The following CELSR1 variants were observed in gnomAD, a reference collection of about 807,000 sequenced individuals.
CELSR1 encodes the protein adhesion G protein-coupled receptor C1.
In CELSR1, 110 loss-of-function variants were observed where a neutral mutation model predicts 249.1. The ratio of observed to expected loss-of-function variants is 0.44; its 90% CI spans 0.38 to 0.52. The LOEUF (loss-of-function observed/expected upper bound fraction) is 0.52, where lower values mean the gene tolerates loss of function less well. Ranked by LOEUF, CELSR1 falls within the 20% of genes least tolerant of loss-of-function variation. CELSR1 has a pLI of 0.00. For synonymous variants in CELSR1, 2,113 were observed against 1,900.0 expected (o/e 1.11, Z -2.92); for missense variants, 4,109 against 4,296.4 (o/e 0.96, Z 1.22).
chr22:46,383,164 G>A (rs2078997979), intron 20 of CELSR1, among the ~76,000 whole-genome samples: 1 of 152,210 alleles, frequency 6.6e-6, no homozygotes, highest in South Asian at 2.1e-4. Context: ...GCAATGGAGA[G>A]TCAGGGACCT....
At chr22:46,513,976 G>A (rs142098033) in intron 1 of CELSR1, among the ~76,000 whole-genome samples, 3,523 of 151,948 alleles carry the variant, frequency 0.023, 122 homozygotes, top group African/African-American at 0.082. Flanking sequence ...TGTATTCTTA[G>A]TAGAGACGGG....
chr22:46,481,105 CAT>C (rs1422957668), intron 1 of CELSR1, among the ~76,000 whole-genome samples: 1 of 152,062 alleles, frequency 6.6e-6, no homozygotes, highest in African/African-American at 2.4e-5. Flanking sequence ...CATGGTGGTG[CAT>C]GCCTGTAGTC....
intron 1 of CELSR1, among the ~76,000 whole-genome samples, chr22:46,481,103 T>C (rs1966168): frequency 6.6e-6 from 1 of 152,016 alleles, no homozygotes. Flanking sequence ...GGCATGGTGG[T>C]GCATGCCTGT....
intron 9 of CELSR1, among the ~76,000 whole-genome samples, chr22:46,400,894 G>A (rs2079203949): frequency 6.6e-6 from 1 of 151,998 alleles, no homozygotes; most frequent in Non-Finnish European, 1.5e-5. Context: ...AGAGGTTGCA[G>A]TGAGCCTAGG....
At position 46,362,861 on chromosome 22, in the gene CELSR1, C is replaced by A; in HGVS notation, c.*362G>T. ...CGGTCTTTGGTCTGTGCCCGGCGTT[C>A]CTGAACTCTGGCCAGCCTCTGGGCC... On this transcript the variant is annotated 3_prime_UTR_variant, in exon 35 of 35. Transcript: ENST00000674500. 2.4e-6 allele frequency: 1 copy of A among 417,332 alleles called. No homozygotes were observed. Among genetic ancestry groups the A allele is most frequent in the South Asian group, 4.6e-5 (1 of 21,692 alleles). The allele number at this position is 417,332 out of a possible 1,614,324, so 25.9% of individuals were successfully genotyped here. A position where few individuals can be genotyped will look rare whatever the true frequency, so the allele number is the denominator to read the frequency against.
At chr22:46,508,406 G>A (rs1008493692) in intron 1 of CELSR1, among the ~76,000 whole-genome samples, 1 of 150,974 alleles carries the variant, frequency 6.6e-6, no homozygotes, top group African/African-American at 2.4e-5. Flanking sequence ...ACCGTCCCCT[G>A]CGTGGTGGTC....
chr22:46,532,464 G>A (rs1380002954), intron 1 of CELSR1, among the ~76,000 whole-genome samples: 3 of 152,336 alleles, frequency 2.0e-5, no homozygotes, highest in African/African-American at 7.2e-5. Context: ...ACTGTAACTG[G>A]AAGCTGTTAG....
rs1467545807 is a variant in CELSR1 at position 46,405,630 on chromosome 22, CTCAG to C, written c.5226+3362_5226+3365del. Among the ~76,000 whole-genome samples the C allele has an allele frequency of 5.3e-5, 8 of 152,242 alleles. No homozygotes were observed. The East Asian group carries it at 7.7e-4, about 15-fold the overall frequency. On this transcript the variant is annotated intron_variant, in intron 9 of 34. Coordinates refer to ENST00000674500, the MANE Select transcript of CELSR1 (RefSeq NM_001378328.1). ...GGTAACTGAGAGTGTGTCCCCAGCTCTCAGTCAGAGAGGCATTCAGCAATCTCAA... is the reference window on the plus strand; with the variant it reads ...GGTAACTGAGAGTGTGTCCCCAGCTCTCAGAGAGGCATTCAGCAATCTCAA...
rs2079113868 is a variant in CELSR1 at position 46,393,334 on chromosome 22, T to C, written c.5964+808A>G. Among the ~76,000 whole-genome samples, 1 of 152,226 alleles carries C rather than the reference T, an allele frequency of 6.6e-6. No homozygotes were observed. Among genetic ancestry groups the C allele is most frequent in the Non-Finnish European group, 1.5e-5 (1 of 68,044 alleles). On this transcript the variant is annotated intron_variant, in intron 14 of 34. Coordinates refer to ENST00000674500, the MANE Select transcript of CELSR1 (RefSeq NM_001378328.1). The surrounding 1 kb of genome is among the most constrained non-coding windows in gnomAD (Gnocchi z 4.1). The stretch of plus-strand genomic sequence containing the variant: ...CTGGAGACACGAGATGTGAGCTCCG[T>C]GCTGCATGCAGGTTAGGACTGACCG...
Position 46,390,435 on chromosome 22 carries a change from A to G in CELSR1, c.6302T>C (p.Leu2101Pro), listed in dbSNP as rs1341175988. 6.2e-7 allele frequency: 1 copy of G among 1,613,856 alleles called. No homozygotes were observed. The highest frequency in any genetic ancestry group is 1.3e-5 in the African/African-American group (1 of 74,926). Reference sequence around the variant, plus strand: ...GAAGGAGATGGTGGTACAGTTAAAGAGCTCTGGGGGCAGCCAGCCCTTCTC... The same window carrying G: ...GAAGGAGATGGTGGTACAGTTAAAGGGCTCTGGGGGCAGCCAGCCCTTCTC... ...SGEKGWLPPE[L>P]FNCTTISFVD... The change falls in exon 17 of 35, where the codon CTC (leucine) becomes CCC (proline). Residue 2101 changes from leucine (L) to proline (P), a missense_variant. Transcript: ENST00000674500. The surrounding 1 kb of genome is among the most constrained non-coding windows in gnomAD (Gnocchi z 6.3).
intron 5 of CELSR1, among the ~76,000 whole-genome samples, chr22:46,415,785 GCAGT>G (rs1384202776): frequency 1.3e-5 from 2 of 152,170 alleles, no homozygotes; most frequent in African/African-American, 4.8e-5. Flanking sequence ...GTGATAAAAC[GCAGT>G]CAGAGAGGTG....
At position 46,412,023 on chromosome 22, in the gene CELSR1, C is replaced by T. The variant is rs1195534982; in HGVS notation, c.4612-264G>A. On this transcript the variant is annotated intron_variant, in intron 5 of 34. Transcript: ENST00000674500. The surrounding 1 kb of genome is among the most constrained non-coding windows in gnomAD (Gnocchi z 4.5). ...CTGATGGAATTAGCTAAGATGCGGACGTCCTGGAGTAGGCGGGCCCTGATC... is the reference window on the plus strand; with the variant it reads ...CTGATGGAATTAGCTAAGATGCGGATGTCCTGGAGTAGGCGGGCCCTGATC... 1.3e-5 allele frequency among the ~76,000 whole-genome samples: 2 copies of T among 152,178 alleles called. No homozygotes were observed. Among genetic ancestry groups the T allele is most frequent in the Admixed American group, 6.5e-5 (1 of 15,286 alleles).
chr22:46,370,084 C>T, intron 25 of CELSR1: 1 of 537,466 alleles, frequency 1.9e-6, no homozygotes, highest in Non-Finnish European at 3.6e-6. Context: ...GACCAGAGAC[C>T]CTGGAGGGTG....
At position 46,402,236 on chromosome 22, in the gene CELSR1, G is replaced by A. The variant is rs1028149267; in HGVS notation, c.5227-2334C>T. ...CTCTTTTTCTTTTTTTTTTTTTTGA[G>A]ACAGAGTTTCACTCTTGTTGCCCAG... On this transcript the variant is annotated intron_variant, in intron 9 of 34. Coordinates refer to ENST00000674500, the MANE Select transcript of CELSR1 (RefSeq NM_001378328.1). The surrounding 1 kb of genome is among the most constrained non-coding windows in gnomAD (Gnocchi z 5.0). Among the ~76,000 whole-genome samples, 6 of 146,740 alleles carry A rather than the reference G, an allele frequency of 4.1e-5. No individual in the cohort carries two copies. The highest frequency in any genetic ancestry group is 1.5e-4 in the African/African-American group (6 of 39,580).
At chr22:46,368,753 G>A (rs190674509) in intron 27 of CELSR1, among the ~76,000 whole-genome samples, 1 of 152,088 alleles carries the variant, frequency 6.6e-6, no homozygotes, top group East Asian at 1.9e-4. Flanking sequence ...CCTCTGTGCT[G>A]GGCCCCTGTT....
At chr22:46,481,648 A>T in intron 1 of CELSR1, 1 of 658,064 alleles carries the variant, frequency 1.5e-6, no homozygotes, top group South Asian at 1.8e-5. Flanking sequence ...GCACCAGAAC[A>T]TGAGACAATG....
At chr22:46,459,762 A>C (rs1323105817) in intron 2 of CELSR1, among the ~76,000 whole-genome samples, 1 of 152,236 alleles carries the variant, frequency 6.6e-6, no homozygotes, top group African/African-American at 2.4e-5. Flanking sequence ...CTAGTGGAGA[A>C]CCACTGGGCT....
At position 46,410,157 on chromosome 22, in the gene CELSR1, G is replaced by C. The variant is rs577434596; in HGVS notation, c.4933+241C>G. Among the ~76,000 whole-genome samples, 1 of 152,344 alleles carries C rather than the reference G, an allele frequency of 6.6e-6. No individual in the cohort carries two copies. The highest frequency in any genetic ancestry group is 6.5e-5 in the Admixed American group (1 of 15,314). On this transcript the variant is annotated intron_variant, in intron 7 of 34. Transcript: ENST00000674500. The surrounding 1 kb of genome is among the most constrained non-coding windows in gnomAD (Gnocchi z 6.8). ...AGACCCTAGGATCATGTGCGCCTCG[G>C]GTTAGCTGGCTGGGCCAGCAGTGCC...
intron 2 of CELSR1, among the ~76,000 whole-genome samples, chr22:46,442,762 T>C (rs1353588490): frequency 7.9e-5 from 12 of 152,170 alleles, no homozygotes. Context: ...CCCCCAGGCA[T>C]CTCCCACTCT....
Sources: allele counts gnomAD v4.1 joint callset (sites outside exome capture counted in the v4.1 genomes callset), GRCh38; gene constraint gnomAD v4.1.1; non-coding constraint Gnocchi (gnomAD v3.1); transcripts MANE v1.5; gene names NCBI Gene and HGNC (gene_info 2026-07-23, HGNC 2026-07-21).